Variants in STX8 observed in about 807,000 individuals in gnomAD.
STX8 encodes syntaxin 8, also known as syntaxin-8.
In STX8, 23 loss-of-function variants were observed where a neutral mutation model predicts 37.5. The observed-to-expected ratio is 0.61, with a 90% confidence interval of 0.44 to 0.87. The LOEUF (loss-of-function observed/expected upper bound fraction) is 0.87, where lower values mean the gene tolerates loss of function less well. Ranked by LOEUF, STX8 falls within the 40% of genes least tolerant of loss-of-function variation. The probability of loss-of-function intolerance (pLI) is 0.00; values close to 1 mark genes in which losing one functional copy is unlikely to be tolerated. For synonymous variants in STX8, 115 were observed against 99.1 expected, an observed-to-expected ratio of 1.16 and a Z score of -0.95; for missense variants, 313 against 284.7, an observed-to-expected ratio of 1.10 and a Z score of -0.71.
At chr17:9,401,927 A>T (rs1015364637) in intron 6 of STX8, among the ~76,000 whole-genome samples, 2 of 151,880 alleles carry the variant, frequency 1.3e-5, no homozygotes, top group Admixed American at 6.6e-5. Context: ...CACTTCAGAC[A>T]TATTTTTTTA....
At chr17:9,525,446 A>C (rs779491184) in intron 4 of STX8, among the ~76,000 whole-genome samples, 1 of 151,150 alleles carries the variant, frequency 6.6e-6, no homozygotes, top group Non-Finnish European at 1.5e-5. Context: ...TCCTGGGTTC[A>C]CACCATTCTC....
intron 7 of STX8, among the ~76,000 whole-genome samples, chr17:9,304,531 A>G (rs1315794769): frequency 2.7e-5 from 4 of 147,350 alleles, no homozygotes; most frequent in Non-Finnish European, 6.0e-5. Flanking sequence ...AAAAAAAAAG[A>G]AAAAAGAAAG....
chr17:9,344,419 C>A (rs1403677211), intron 7 of STX8, among the ~76,000 whole-genome samples: 1 of 152,134 alleles, frequency 6.6e-6, no homozygotes, highest in African/African-American at 2.4e-5. Context: ...CGCCACCACA[C>A]CCAGCTAATT....
chr17:9,361,817 G>T (rs12944498), intron 7 of STX8, among the ~76,000 whole-genome samples: 1 of 152,032 alleles, frequency 6.6e-6, no homozygotes. Flanking sequence ...AAGTCAGGAA[G>T]GTAATCTGAT....
chr17:9,270,636 A>G (rs1234133354), intron 7 of STX8, among the ~76,000 whole-genome samples: 1 of 152,230 alleles, frequency 6.6e-6, no homozygotes, highest in Non-Finnish European at 1.5e-5. Context: ...GTAAGTGCTC[A>G]GTAAATATGT....
At chr17:9,445,619 G>A (rs554765641) in intron 6 of STX8, among the ~76,000 whole-genome samples, 1 of 151,670 alleles carries the variant, frequency 6.6e-6, no homozygotes, top group Non-Finnish European at 1.5e-5. Flanking sequence ...GTTGTAAATC[G>A]GAATAACAGA....
intron 4 of STX8, among the ~76,000 whole-genome samples, chr17:9,541,999 T>C (rs1451720811): frequency 7.8e-6 from 1 of 128,470 alleles, no homozygotes; most frequent in Non-Finnish European, 1.6e-5. Flanking sequence ...GGTCTAAACA[T>C]TTGTATTTTT....
intron 6 of STX8, among the ~76,000 whole-genome samples, chr17:9,401,933 T>G (rs1398769594): frequency 6.6e-6 from 1 of 152,148 alleles, no homozygotes; most frequent in Admixed American, 6.5e-5. Context: ...AGACATATTT[T>G]TTTAGGTGCG....
At chr17:9,364,403 C>A (rs913392730) in intron 7 of STX8, among the ~76,000 whole-genome samples, 1 of 152,034 alleles carries the variant, frequency 6.6e-6, no homozygotes, top group Non-Finnish European at 1.5e-5. Context: ...GGGAGGGGAA[C>A]AGTTTAAACT....
At chr17:9,341,727 G>A (rs918660600) in intron 7 of STX8, among the ~76,000 whole-genome samples, 4 of 152,266 alleles carry the variant, frequency 2.6e-5, no homozygotes, top group Non-Finnish European at 4.4e-5. Flanking sequence ...ATGAGCCACC[G>A]CGCCCGGCCA....
intron 4 of STX8, among the ~76,000 whole-genome samples, chr17:9,518,144 G>A (rs1176571471): frequency 1.3e-5 from 2 of 152,028 alleles, no homozygotes; most frequent in African/African-American, 4.8e-5. Flanking sequence ...CCTATTTGCA[G>A]CCAAACTTCC....
intron 6 of STX8, among the ~76,000 whole-genome samples, chr17:9,463,848 C>T (rs1905497691): frequency 1.3e-5 from 2 of 150,236 alleles, no homozygotes; most frequent in Non-Finnish European, 2.9e-5. Context: ...GCAGAGGTTG[C>T]GGTGAGCTGA....
chr17:9,316,284 TAA>T (rs1909379354), intron 7 of STX8, among the ~76,000 whole-genome samples: 1 of 152,086 alleles, frequency 6.6e-6, no homozygotes, highest in Admixed American at 6.6e-5. Flanking sequence ...TCTAAAGTGA[TAA>T]GTGTCTTTCT....
At chr17:9,487,308 G>A (rs1383778227) in intron 6 of STX8, among the ~76,000 whole-genome samples, 4 of 152,204 alleles carry the variant, frequency 2.6e-5, no homozygotes, top group South Asian at 2.1e-4. Context: ...TCAGCAGGCC[G>A]GTAAATCACA....
At chr17:9,540,945 C>A (rs1217513436) in intron 4 of STX8, among the ~76,000 whole-genome samples, 1 of 152,170 alleles carries the variant, frequency 6.6e-6, no homozygotes, top group African/African-American at 2.4e-5. Context: ...GCCACTCAGC[C>A]ATTCACCAAC....
At chr17:9,496,868 T>G (rs116767236) in intron 5 of STX8, among the ~76,000 whole-genome samples, 128 of 152,268 alleles carry the variant, frequency 8.4e-4, no homozygotes, top group African/African-American at 3.1e-3. Context: ...AGGGAACGAA[T>G]TCTCCAGAAT....
chr17:9,550,864 C>T (rs180680399), intron 3 of STX8, among the ~76,000 whole-genome samples: 2 of 152,176 alleles, frequency 1.3e-5, no homozygotes, highest in Admixed American at 6.5e-5. Context: ...CACCTGAGGT[C>T]AGGAGTTTGA....
chr17:9,334,145 G>A (rs1490508483), intron 7 of STX8, among the ~76,000 whole-genome samples: 11 of 147,744 alleles, frequency 7.4e-5, no homozygotes, highest in African/African-American at 2.0e-4. Context: ...GTGCGGGGGG[G>A]TGTGGGGGTG....
At chr17:9,390,836 C>CAAAAAAAA (rs34205577) in intron 6 of STX8, among the ~76,000 whole-genome samples, 1 of 93,532 alleles carries the variant, frequency 1.1e-5, no homozygotes. Context: ...GACTCCGTCT[C>CAAAAAAAA]AAAAAAAAAA....
Sources: allele counts gnomAD v4.1 joint callset (sites outside exome capture counted in the v4.1 genomes callset), GRCh38; gene constraint gnomAD v4.1.1; transcripts MANE v1.5; gene names NCBI Gene and HGNC (gene_info 2026-07-23, HGNC 2026-07-21).